The following FSTL4 variants were observed in gnomAD, a reference collection of about 807,000 sequenced individuals.
FSTL4 encodes the protein follistatin like 4.
Under a neutral mutation model 78.2 loss-of-function variants are expected in FSTL4, and 28 were observed. The ratio of observed to expected loss-of-function variants is 0.36; its 90% confidence interval spans 0.27 to 0.49. The LOEUF (loss-of-function observed/expected upper bound fraction) is 0.49. Ranked by LOEUF, FSTL4 falls within the 20% of genes least tolerant of loss-of-function variation. The pLI is 0.98. For synonymous variants in FSTL4, 422 were observed against 440.5 expected (o/e 0.96, Z 0.53); for missense variants, 922 against 1,084.9 (o/e 0.85, Z 2.11).
At chr5:133,667,572 C>A in the FSTL4 span, among the ~76,000 whole-genome samples, 2 of 152,148 alleles carry the variant, frequency 1.3e-5, no homozygotes, top group Non-Finnish European at 2.9e-5. Flanking sequence ...TATATCAGAC[C>A]CACTTCTGTC....
chr5:133,465,138 C>T (rs191918336), intron 3 of FSTL4, among the ~76,000 whole-genome samples: 1 of 152,340 alleles, frequency 6.6e-6, no homozygotes, highest in Non-Finnish European at 1.5e-5. Context: ...GCAGTCCGGC[C>T]TGCTATCTTT....
At chr5:133,773,202 A>T in the FSTL4 span, among the ~76,000 whole-genome samples, 1 of 151,966 alleles carries the variant, frequency 6.6e-6, no homozygotes, top group Non-Finnish European at 1.5e-5. Context: ...AGTGATTTTT[A>T]AAAATTCTTA....
At chr5:133,457,610 T>C (rs1757517303) in intron 3 of FSTL4, among the ~76,000 whole-genome samples, 2 of 152,258 alleles carry the variant, frequency 1.3e-5, no homozygotes, top group African/African-American at 2.4e-5. Context: ...GTCAGTTTCA[T>C]GTTAGCCAGC....
At chr5:133,385,519 C>G (rs1755678440) in intron 4 of FSTL4, among the ~76,000 whole-genome samples, 1 of 152,184 alleles carries the variant, frequency 6.6e-6, no homozygotes, top group African/African-American at 2.4e-5. Context: ...CCTGGTCCCC[C>G]TAGAACCCAA....
chr5:133,765,479 T>C, the FSTL4 span, among the ~76,000 whole-genome samples: 5 of 152,108 alleles, frequency 3.3e-5, no homozygotes. Context: ...CAGCACTGGG[T>C]GCAGCCAGCA....
chr5:133,393,315 G>T (rs1487786608), intron 4 of FSTL4, among the ~76,000 whole-genome samples: 3 of 152,202 alleles, frequency 2.0e-5, no homozygotes, highest in South Asian at 2.1e-4. Context: ...CCAGAGGGTG[G>T]AGATGTGTGG....
At chr5:133,274,496 A>T (rs1429550139) in intron 6 of FSTL4, among the ~76,000 whole-genome samples, 1 of 141,548 alleles carries the variant, frequency 7.1e-6, no homozygotes, top group Non-Finnish European at 1.5e-5. Flanking sequence ...AACTTACTTA[A>T]ACTCTGGCCA....
chr5:133,478,139 C>T (rs1757958517), intron 3 of FSTL4, among the ~76,000 whole-genome samples: 1 of 152,154 alleles, frequency 6.6e-6, no homozygotes, highest in Non-Finnish European at 1.5e-5. Flanking sequence ...GATGTTCTTC[C>T]AAGATATTAC....
chr5:133,707,321 T>C, the FSTL4 span, among the ~76,000 whole-genome samples: 1 of 152,186 alleles, frequency 6.6e-6, no homozygotes. Context: ...TCACATGGTC[T>C]AGGAGGCTGA....
intron 6 of FSTL4, among the ~76,000 whole-genome samples, chr5:133,259,481 T>G (rs1222748459): frequency 6.6e-6 from 1 of 151,344 alleles, no homozygotes; most frequent in African/African-American, 2.4e-5. Flanking sequence ...TGGCTGTAAT[T>G]TAAGGAGATG....
the FSTL4 span, among the ~76,000 whole-genome samples, chr5:133,802,274 G>A: frequency 4.6e-5 from 7 of 152,170 alleles, no homozygotes; most frequent in Admixed American, 4.6e-4. Flanking sequence ...TTCCTAAGGA[G>A]GAGGTTGATG....
chr5:133,466,627 G>A (rs919803973), intron 3 of FSTL4, among the ~76,000 whole-genome samples: 2 of 151,924 alleles, frequency 1.3e-5, no homozygotes, highest in Non-Finnish European at 2.9e-5. Context: ...CCATGTATCC[G>A]GTCAACATTT....
At chr5:133,645,006 C>T in the FSTL4 span, among the ~76,000 whole-genome samples, 1 of 152,106 alleles carries the variant, frequency 6.6e-6, no homozygotes, top group Non-Finnish European at 1.5e-5. Context: ...TATTTCCTCC[C>T]CTGTCCCTTT....
At chr5:133,436,585 G>T (rs1469810163) in intron 3 of FSTL4, among the ~76,000 whole-genome samples, 1 of 152,132 alleles carries the variant, frequency 6.6e-6, no homozygotes. Flanking sequence ...TGATATGCTG[G>T]AGACTACTAT....
chr5:133,389,849 T>C (rs1410495699), intron 4 of FSTL4, among the ~76,000 whole-genome samples: 1 of 152,158 alleles, frequency 6.6e-6, no homozygotes, highest in Non-Finnish European at 1.5e-5. Context: ...TTGATGGAAA[T>C]ATGGATCACT....
At chr5:133,263,151 G>C (rs1204865983) in intron 6 of FSTL4, among the ~76,000 whole-genome samples, 1 of 152,146 alleles carries the variant, frequency 6.6e-6, no homozygotes, top group East Asian at 1.9e-4. Context: ...GGTTCCATTT[G>C]CTGAGAGGCT....
chr5:133,206,086 A>G (rs1316438887), intron 14 of FSTL4, among the ~76,000 whole-genome samples: 2 of 152,210 alleles, frequency 1.3e-5, no homozygotes, highest in Non-Finnish European at 2.9e-5. Flanking sequence ...AGGTTTTATA[A>G]TCACAATAAC....
chr5:133,238,792 C>T (rs936957565), intron 7 of FSTL4, among the ~76,000 whole-genome samples: 1 of 152,248 alleles, frequency 6.6e-6, no homozygotes, highest in East Asian at 1.9e-4. Context: ...ACATTCACTT[C>T]ATTCTAGTCC....
chr5:133,543,186 G>A (rs1405264969), intron 3 of FSTL4, among the ~76,000 whole-genome samples: 2 of 152,088 alleles, frequency 1.3e-5, no homozygotes, highest in African/African-American at 2.4e-5. Context: ...GAGTAGCTGG[G>A]ACTTCAGGTG....
Sources: allele counts gnomAD v4.1 joint callset (sites outside exome capture counted in the v4.1 genomes callset), GRCh38; gene constraint gnomAD v4.1.1; transcripts MANE v1.5; gene names NCBI Gene and HGNC (gene_info 2026-07-23, HGNC 2026-07-21).